CDH12: variants seen among roughly 807,000 people sequenced by gnomAD.
CDH12 encodes the protein cadherin 12, also known as cadherin-12.
A neutral mutation model predicts 74.1 loss-of-function variants in CDH12; 41 were observed. The ratio of observed to expected loss-of-function variants is 0.55; its 90% CI spans 0.43 to 0.72. The LOEUF is 0.72. Ranked by LOEUF, CDH12 falls within the 30% of genes least tolerant of loss-of-function variation. CDH12 has a pLI of 0.00. For missense variants in CDH12, 945 were observed against 977.2 expected, an observed-to-expected ratio of 0.97 and a Z score of 0.44; for synonymous variants, 399 against 355.0, an observed-to-expected ratio of 1.12 and a Z score of -1.39.
intron 5 of CDH12, among the ~76,000 whole-genome samples, chr5:22,065,225 G>A (rs1165007454): frequency 1.3e-5 from 2 of 152,112 alleles, no homozygotes; most frequent in Non-Finnish European, 2.9e-5. Context: ...AAGTTGAGGT[G>A]CAAGTGTGAC....
chr5:22,083,970 C>A (rs1742905863), intron 4 of CDH12, among the ~76,000 whole-genome samples: 1 of 152,126 alleles, frequency 6.6e-6, no homozygotes, highest in Non-Finnish European at 1.5e-5. Context: ...TTTAAGCTAT[C>A]AGGTCAATAT....
intron 5 of CDH12, among the ~76,000 whole-genome samples, chr5:22,031,018 C>A (rs994666473): frequency 6.6e-6 from 1 of 152,082 alleles, no homozygotes; most frequent in East Asian, 1.9e-4. Flanking sequence ...TAGGGCCTTA[C>A]TCTAAAATAG....
intron 1 of CDH12, among the ~76,000 whole-genome samples, chr5:22,778,613 A>G (rs1580991456): frequency 6.6e-6 from 1 of 152,176 alleles, no homozygotes; most frequent in South Asian, 2.1e-4. Flanking sequence ...CCTAAGTGAC[A>G]GTATTTGTCA....
chr5:22,631,193 T>C (rs750379087), intron 1 of CDH12, among the ~76,000 whole-genome samples: 1 of 152,196 alleles, frequency 6.6e-6, no homozygotes, highest in Non-Finnish European at 1.5e-5. Flanking sequence ...GGTGGGAATG[T>C]AGATTAGTTT....
chr5:22,726,549 G>T (rs1415023927), intron 1 of CDH12, among the ~76,000 whole-genome samples: 5 of 151,800 alleles, frequency 3.3e-5, no homozygotes, highest in African/African-American at 4.8e-5. Flanking sequence ...CTCCTCCAAA[G>T]TGGCTGTGTC....
chr5:22,099,926 T>C (rs1744038655), intron 4 of CDH12, among the ~76,000 whole-genome samples: 1 of 152,158 alleles, frequency 6.6e-6, no homozygotes, highest in Admixed American at 6.5e-5. Context: ...CAAATATTTC[T>C]TCTAACAGTC....
chr5:22,512,818 T>A (rs943632811), intron 1 of CDH12, among the ~76,000 whole-genome samples: 17 of 152,114 alleles, frequency 1.1e-4, no homozygotes, highest in Non-Finnish European at 1.2e-4. Flanking sequence ...TTCCCAACAC[T>A]TTGGGAGGCC....
At chr5:22,568,259 A>G (rs1739383521) in intron 1 of CDH12, among the ~76,000 whole-genome samples, 1 of 152,178 alleles carries the variant, frequency 6.6e-6, no homozygotes. Flanking sequence ...TACTGTATTT[A>G]TCTAAGACCC....
At chr5:22,432,533 A>G (rs752418631) in intron 2 of CDH12, among the ~76,000 whole-genome samples, 11 of 151,716 alleles carry the variant, frequency 7.3e-5, no homozygotes, top group Non-Finnish European at 4.4e-5. Context: ...ATACACATAT[A>G]CACATATGTT....
chr5:22,188,679 C>T (rs571511424), intron 4 of CDH12, among the ~76,000 whole-genome samples: 19 of 152,242 alleles, frequency 1.2e-4, no homozygotes, highest in Admixed American at 1.2e-3. Context: ...TTTTAAAGGG[C>T]TTTGTGGCCA....
intron 6 of CDH12, among the ~76,000 whole-genome samples, chr5:21,908,604 A>ATC (rs1753739830): frequency 6.6e-6 from 1 of 152,204 alleles, no homozygotes; most frequent in Non-Finnish European, 1.5e-5. Context: ...TTTGGGTCAT[A>ATC]TCTCTTAATA....
chr5:22,297,175 C>T (rs1423432330), intron 3 of CDH12, among the ~76,000 whole-genome samples: 13 of 152,054 alleles, frequency 8.5e-5, no homozygotes, highest in African/African-American at 2.7e-4. Flanking sequence ...GCATGGGCTA[C>T]CATGCCCGGC....
At chr5:22,554,531 C>T (rs1005706919) in intron 1 of CDH12, among the ~76,000 whole-genome samples, 1 of 151,998 alleles carries the variant, frequency 6.6e-6, no homozygotes, top group Non-Finnish European at 1.5e-5. Flanking sequence ...TCTCTTAATT[C>T]AATTAATAAT....
intron 6 of CDH12, among the ~76,000 whole-genome samples, chr5:21,855,830 T>A (rs548705478): frequency 6.6e-6 from 1 of 151,834 alleles, no homozygotes; most frequent in South Asian, 2.1e-4. Flanking sequence ...GCAAACCATG[T>A]CTTCCTAGAT....
chr5:22,325,864 C>T (rs1035712426), intron 3 of CDH12, among the ~76,000 whole-genome samples: 6 of 151,978 alleles, frequency 3.9e-5, no homozygotes, highest in African/African-American at 7.2e-5. Flanking sequence ...GCTGAGATCA[C>T]GCCACTGCAC....
At chr5:22,441,363 G>A (rs1744614840) in intron 2 of CDH12, among the ~76,000 whole-genome samples, 1 of 152,066 alleles carries the variant, frequency 6.6e-6, no homozygotes, top group Non-Finnish European at 1.5e-5. Context: ...AGGGTAGCTT[G>A]CATATCATTG....
At chr5:22,070,438 T>A (rs930257846) in intron 5 of CDH12, among the ~76,000 whole-genome samples, 1 of 152,184 alleles carries the variant, frequency 6.6e-6, no homozygotes, top group African/African-American at 2.4e-5. Flanking sequence ...GTTCTTTGGA[T>A]AAGACTAATA....
intron 6 of CDH12, among the ~76,000 whole-genome samples, chr5:21,914,751 A>G (rs908753089): frequency 6.6e-6 from 1 of 152,210 alleles, no homozygotes; most frequent in African/African-American, 2.4e-5. Flanking sequence ...CTTAAAGTCA[A>G]CTGATAATGG....
chr5:22,216,438 G>T (rs758856407), intron 3 of CDH12, among the ~76,000 whole-genome samples: 26 of 151,898 alleles, frequency 1.7e-4, no homozygotes, highest in Non-Finnish European at 3.2e-4. Flanking sequence ...TACCAATGTA[G>T]ATTCAGCTAT....
Sources: allele counts gnomAD v4.1 joint callset (sites outside exome capture counted in the v4.1 genomes callset), GRCh38; gene constraint gnomAD v4.1.1; transcripts MANE v1.5; gene names NCBI Gene and HGNC (gene_info 2026-07-23, HGNC 2026-07-21).